The following PLEKHJ1 variants were observed in gnomAD, a reference collection of about 807,000 sequenced individuals.
The protein encoded by PLEKHJ1 is pleckstrin homology domain containing J1.
Under a neutral mutation model 21.7 loss-of-function variants are expected in PLEKHJ1, and 20 were observed. That is an observed-to-expected ratio of 0.92 (90% CI 0.65 to 1.34). The LOEUF (loss-of-function observed/expected upper bound fraction) is 1.34, where lower values mean the gene tolerates loss of function less well. Ranked by LOEUF, PLEKHJ1 falls within the 40% of genes most tolerant of loss-of-function variation. The pLI is 0.00. For missense variants in PLEKHJ1, 241 were observed against 202.0 expected, an observed-to-expected ratio of 1.19 and a Z score of -1.17; for synonymous variants, 113 against 80.6, an observed-to-expected ratio of 1.40 and a Z score of -2.15.
chr19:2,235,073 G>A lies in PLEKHJ1; in HGVS notation c.229+689C>T, dbSNP rs368635097. ...GGGTGGGCCCTAAATTCTGCTTGGC[G>A]TCTGTGTAGAAGGGGAAATGTGGGC... On this transcript the variant is annotated intron_variant, in intron 3 of 5. Transcript: ENST00000326631. 6.6e-5 allele frequency: 10 copies of A among 152,280 alleles called. No homozygotes were observed. In the East Asian group the frequency reaches 1.9e-3, roughly 29 times the overall value. 9.4% of individuals were successfully genotyped at this position (152,280 alleles called of 1,614,324 possible).
chr19:2,236,189 G>A lies in PLEKHJ1; in HGVS notation c.60C>T (p.Ala20=), dbSNP rs1329304686. The A allele has an allele frequency of 4.1e-6, 6 of 1,480,442 alleles. No individual in the cohort carries two copies. The African/African-American group carries it at 7.3e-5, about 18-fold the overall frequency. The allele number at this position is 1,480,442 out of a possible 1,614,324, so 91.7% of individuals were successfully genotyped here. Residue 20 remains alanine, a synonymous_variant, in exon 1 of 6, where the codon GCC becomes GCT. Transcript: ENST00000326631. ...TCTTGGGGCCCCTCATGCCCAGCTC[G>A]GCCGCCATCTCGGCCGGCTGCCGGG... is the stretch of plus-strand genomic sequence containing the variant. The part of the protein sequence containing the change: ...ALSRQPAEMA[A]ELGMRGPKKG...
At chr19:2,231,921 C>G (rs1011236701), downstream of PLEKHJ1, 5 of 217,560 alleles carry the variant, frequency 2.3e-5, no homozygotes, top group Non-Finnish European at 4.6e-5. Flanking sequence ...AGGCAGAAGT[C>G]TCCTTGAGCC....
Position 2,235,829 on chromosome 19 carries a change from C to T in PLEKHJ1, c.163-1G>A. ...GCTCCAGCAGCAGGGCTCCGACGGG[C>T]TGGAGGAGACACGGGCGCCGGGACG... On this transcript the variant is annotated splice_acceptor_variant, in intron 2 of 5. Coordinates refer to ENST00000326631, the MANE Select transcript of PLEKHJ1 (RefSeq NM_018049.3). LOFTEE classifies it high-confidence loss of function. The T allele has an allele frequency of 1.9e-6, 3 of 1,557,988 alleles. No homozygotes were observed. The South Asian group carries it at 3.5e-5, about 18-fold the overall frequency.
In PLEKHJ1 at chr19:2,233,747, ACCAAAAC is replaced by A. The variant is rs996392636; in HGVS notation, c.*86_*92del. 34 of 1,309,872 alleles carry A rather than the reference ACCAAAAC, an allele frequency of 2.6e-5. No individual in the cohort carries two copies. The highest frequency in any genetic ancestry group is 3.0e-5 in the Non-Finnish European group (29 of 953,428). 81.1% of individuals were successfully genotyped at this position (1,309,872 alleles called of 1,614,324 possible). ...TGAAACCCTGACCCAAAAACCAAAA[ACCAAAAC>A]AAAACAGATCCAGGCATGGCCAAGC... On this transcript the variant is annotated 3_prime_UTR_variant, in exon 6 of 6. Coordinates refer to ENST00000326631, the MANE Select transcript of PLEKHJ1 (RefSeq NM_018049.3).
At chr19:2,230,477 T>C (rs750789955), downstream of PLEKHJ1, 145 of 399,126 alleles carry the variant, frequency 3.6e-4, no homozygotes, top group Non-Finnish European at 2.3e-4. Context: ...CAGCTGGCCA[T>C]GTGCTGCGCG....
Position 2,234,263 on chromosome 19 carries a change from C to G in PLEKHJ1, c.230-23G>C, listed in dbSNP as rs181602113. The G allele has an allele frequency of 2.0e-3, 3,146 of 1,573,608 alleles. 9 individuals carry two copies. The highest frequency in any genetic ancestry group is 2.6e-3 in the Non-Finnish European group (2,970 of 1,146,834). ...AGCCTGGGGATGGAACACCTGTGGT[C>G]GGTCCTACCCACAGCCACAAGCAGC... On this transcript the variant is annotated intron_variant, in intron 3 of 5. Coordinates refer to ENST00000326631, the MANE Select transcript of PLEKHJ1 (RefSeq NM_018049.3).
At chr19:2,231,276 A>AT (rs2024585121), downstream of PLEKHJ1, 1 of 224,220 alleles carries the variant, frequency 4.5e-6, no homozygotes, top group Admixed American at 5.7e-5. Flanking sequence ...GGCATCGGGG[A>AT]GCCCCTTCCC....
downstream of PLEKHJ1, chr19:2,230,722 C>T (rs1018810989): frequency 2.3e-5 from 9 of 397,640 alleles, no homozygotes; most frequent in Admixed American, 1.3e-4. Context: ...GTATAATGCA[C>T]AGTGAAGAGG....
chr19:2,234,617 G>C (rs772894134), intron 3 of PLEKHJ1: 1 of 238,948 alleles, frequency 4.2e-6, no homozygotes, highest in Non-Finnish European at 8.3e-6. Flanking sequence ...TCAGAAGTGG[G>C]AGGACTGCTT....
chr19:2,231,204 C>G (rs545325917), downstream of PLEKHJ1: 2 of 228,280 alleles, frequency 8.8e-6, no homozygotes, highest in East Asian at 1.3e-4. Context: ...CTCCCCGCAT[C>G]TGGCCCTGGG....
Position 2,236,178 on chromosome 19 carries a change from A to T in PLEKHJ1, c.71T>A (p.Met24Lys). The stretch of plus-strand genomic sequence containing the variant: ...ACCGCTGCCCTTCTTGGGGCCCCTC[A>T]TGCCCAGCTCGGCCGCCATCTCGGC... ...QPAEMAAELGMRGPKKGSVLK... is the reference protein window; with the variant it reads ...QPAEMAAELGKRGPKKGSVLK... Residue 24 changes from methionine to lysine, a missense_variant, in exon 1 of 6, where the codon ATG becomes AAG. Physicochemically the swap from Met to Lys is moderately conservative, Grantham distance 95. Coordinates refer to ENST00000326631, the MANE Select transcript of PLEKHJ1 (RefSeq NM_018049.3). 6.7e-7 allele frequency: 1 copy of T among 1,482,844 alleles called. No individual in the cohort carries two copies. The highest frequency in any genetic ancestry group is 2.9e-5 in the East Asian group (1 of 34,126). 91.9% of individuals were successfully genotyped at this position (1,482,844 alleles called of 1,614,324 possible). A position where few individuals can be genotyped will look rare whatever the true frequency, so the allele number is the denominator to read the frequency against.
At chr19:2,234,563 G>A (rs868628207) in intron 3 of PLEKHJ1, 11 of 294,002 alleles carry the variant, frequency 3.7e-5, no homozygotes, top group Middle Eastern at 1.0e-3. Context: ...ACAAAAATTA[G>A]CCAGGTGTGG....
chr19:2,234,203 C>T lies in PLEKHJ1; in HGVS notation c.267G>A (p.Glu89=), dbSNP rs770455995. ...CCTGACACTGCTCCTCGCTGCTGCA[C>T]TCAAAGTGATACTTCCTCTCAGGGT... ...IEDPERKYHF[E]CSSEEQCQEW... Residue 89 remains glutamate, a synonymous_variant, in exon 4 of 6, where the codon GAG becomes GAA. Transcript: ENST00000326631. 1.9e-6 allele frequency: 3 copies of T among 1,613,220 alleles called. No individual in the cohort carries two copies. Among genetic ancestry groups the T allele is most frequent in the Non-Finnish European group, 2.5e-6 (3 of 1,180,004 alleles).
intron 5 of PLEKHJ1, 34 bp downstream of exon 5, chr19:2,233,964 G>GC (rs1191439809): frequency 2.5e-6 from 4 of 1,611,840 alleles, no homozygotes; most frequent in Middle Eastern, 1.7e-4. Flanking sequence ...GCCACCTGCA[G>GC]CCCCACCCCG....
downstream of PLEKHJ1, chr19:2,232,547 A>T (rs527548443): frequency 4.7e-5 from 10 of 211,934 alleles, no homozygotes; most frequent in African/African-American, 2.3e-4. Flanking sequence ...CCACCTCTAG[A>T]CGCTGTAATA....
downstream of PLEKHJ1, chr19:2,232,690 G>A (rs993146545): frequency 5.0e-5 from 9 of 179,986 alleles, no homozygotes; most frequent in African/African-American, 1.4e-4. Context: ...GGGCCTAGGG[G>A]TGCTCCTAGC....
chr19:2,235,679 T>C (rs923684371), intron 3 of PLEKHJ1, 83 bp downstream of exon 3: 4 of 1,286,738 alleles, frequency 3.1e-6, no homozygotes, highest in Non-Finnish European at 4.3e-6. Context: ...GAGGAGACCT[T>C]GGGCGCCCGG....
chr19:2,230,309 A>G (rs946127418), downstream of PLEKHJ1: 8 of 414,904 alleles, frequency 1.9e-5, no homozygotes, highest in Admixed American at 4.1e-5. Flanking sequence ...TCGCCACCAC[A>G]TTCCTCGGAG....
chr19:2,233,767 G>C lies in PLEKHJ1; in HGVS notation c.*73C>G. The C allele has an allele frequency of 1.4e-6, 2 of 1,414,498 alleles. No individual in the cohort carries two copies. The highest frequency in any genetic ancestry group is 2.4e-5 in the South Asian group (2 of 81,940). 87.6% of individuals were successfully genotyped at this position (1,414,498 alleles called of 1,614,324 possible). A position where few individuals can be genotyped will look rare whatever the true frequency, so the allele number is the denominator to read the frequency against. ...CAAAAACCAAAACAAAACAGATCCA[G>C]GCATGGCCAAGCGATTCATGGCTGG... On this transcript the variant is annotated 3_prime_UTR_variant, in exon 6 of 6. Transcript: ENST00000326631.
Sources: allele counts gnomAD v4.1 joint callset, GRCh38; gene constraint gnomAD v4.1.1; transcripts MANE v1.5; gene names NCBI Gene and HGNC (gene_info 2026-07-23, HGNC 2026-07-21).